SH3GL2: variants seen among roughly 807,000 people sequenced by gnomAD.
The protein encoded by SH3GL2 is SH3 domain containing GRB2 like 2, endophilin A1, also known as endophilin-A1.
Under a neutral mutation model 46.0 loss-of-function variants are expected in SH3GL2, and 24 were observed. The observed-to-expected ratio is 0.52, with a 90% CI of 0.38 to 0.73. SH3GL2 has a LOEUF of 0.73. Ranked by LOEUF, SH3GL2 falls within the 30% of genes least tolerant of loss-of-function variation. The probability of loss-of-function intolerance (pLI) is 0.00; values close to 1 mark genes in which losing one functional copy is unlikely to be tolerated. For synonymous variants in SH3GL2, 196 were observed against 147.1 expected, an observed-to-expected ratio of 1.33 and a Z score of -2.40; for missense variants, 413 against 424.2, an observed-to-expected ratio of 0.97 and a Z score of 0.23.
rs533549066 is a variant in SH3GL2, at chr9:17,716,622, C to G, written c.46-30444C>G. Among the ~76,000 whole-genome samples, 10 of 152,260 alleles carry G rather than the reference C, an allele frequency of 6.6e-5. No homozygotes were observed. In the South Asian group the frequency reaches 2.1e-3, roughly 32 times the overall value. On this transcript the variant is annotated intron_variant, in intron 1 of 8. Transcript: ENST00000380607. ...CAGTCTTGGTTAGTTTCCTCACATG[C>G]ATGTGTTGATCAGAACTCTACTGAA...
At chr9:17,688,139 T>G (rs1341136921) in intron 1 of SH3GL2, among the ~76,000 whole-genome samples, 2 of 152,122 alleles carry the variant, frequency 1.3e-5, no homozygotes, top group Non-Finnish European at 2.9e-5. Context: ...TTGAATTTGT[T>G]ATGCTACTTA....
intron 1 of SH3GL2, among the ~76,000 whole-genome samples, chr9:17,608,505 A>C (rs1233748529): frequency 6.6e-6 from 1 of 152,202 alleles, no homozygotes; most frequent in Non-Finnish European, 1.5e-5. Flanking sequence ...TTCCTCATCC[A>C]CATAGGTTGG....
At chr9:17,614,777 A>G (rs1407770667) in intron 1 of SH3GL2, among the ~76,000 whole-genome samples, 1 of 152,224 alleles carries the variant, frequency 6.6e-6, no homozygotes, top group African/African-American at 2.4e-5. Flanking sequence ...GTCCTTTTCT[A>G]CCAAGTGAAG....
At chr9:17,692,432 G>T (rs1821104949) in intron 1 of SH3GL2, among the ~76,000 whole-genome samples, 1 of 152,004 alleles carries the variant, frequency 6.6e-6, no homozygotes, top group Non-Finnish European at 1.5e-5. Flanking sequence ...GATCATTTGA[G>T]GTCAAGAGTT....
chr9:17,793,365 A>G lies in SH3GL2; in HGVS notation c.729-2A>G. 1 of 1,607,484 alleles carries G rather than the reference A, an allele frequency of 6.2e-7. No individual in the cohort carries two copies. The highest frequency in any genetic ancestry group is 8.5e-7 in the Non-Finnish European group (1 of 1,177,512). The stretch of plus-strand genomic sequence containing the variant: ...TTTCCACCACTTTTCTTTTTACTGC[A>G]GAATAAGACAGGCTTCATCTCAGCC... On this transcript the variant is annotated splice_acceptor_variant, in intron 7 of 8. Transcript: ENST00000380607. LOFTEE classifies it high-confidence loss of function.
intron 1 of SH3GL2, among the ~76,000 whole-genome samples, chr9:17,608,147 C>CT (rs58474566): frequency 0.06 from 7,247 of 120,172 alleles, 588 homozygotes; most frequent in African/African-American, 0.15. Flanking sequence ...AAGCTTTCCT[C>CT]TTTTTTTTTT....
intron 3 of SH3GL2, among the ~76,000 whole-genome samples, chr9:17,772,251 A>T (rs1312114256): frequency 6.6e-6 from 1 of 152,226 alleles, no homozygotes; most frequent in Non-Finnish European, 1.5e-5. Flanking sequence ...TTGAGGATTT[A>T]TACTCATCTT....
chr9:17,728,499 T>C (rs1388073641), intron 1 of SH3GL2, among the ~76,000 whole-genome samples: 2 of 152,196 alleles, frequency 1.3e-5, no homozygotes, highest in Non-Finnish European at 2.9e-5. Context: ...TATTATACTT[T>C]AAGTTCTGGG....
At chr9:17,783,673 A>C (rs1188436141) in intron 3 of SH3GL2, among the ~76,000 whole-genome samples, 1 of 152,158 alleles carries the variant, frequency 6.6e-6, no homozygotes, top group Non-Finnish European at 1.5e-5. Context: ...AGCAGAGGAC[A>C]AAACAGTGGA....
intron 1 of SH3GL2, among the ~76,000 whole-genome samples, chr9:17,697,934 G>A (rs4961584): frequency 0.16 from 24,114 of 152,190 alleles, 2,615 homozygotes; most frequent in African/African-American, 0.3. Flanking sequence ...ATCTCTGGGA[G>A]CTAGAAAATG....
intron 2 of SH3GL2, among the ~76,000 whole-genome samples, chr9:17,759,320 A>G (rs1163621386): frequency 6.6e-6 from 1 of 152,148 alleles, no homozygotes; most frequent in Non-Finnish European, 1.5e-5. Flanking sequence ...AAAACAGAAT[A>G]TGGGATGGCA....
At chr9:17,727,188 T>A (rs1822043973) in intron 1 of SH3GL2, among the ~76,000 whole-genome samples, 1 of 152,190 alleles carries the variant, frequency 6.6e-6, no homozygotes, top group East Asian at 1.9e-4. Context: ...GGGTAACAAG[T>A]TACAGAAGGT....
intron 1 of SH3GL2, among the ~76,000 whole-genome samples, chr9:17,722,044 A>C: frequency 6.6e-6 from 1 of 152,038 alleles, no homozygotes; most frequent in East Asian, 1.9e-4. Flanking sequence ...CACTCTCTCT[A>C]CGTTGCTATA....
At chr9:17,697,855 C>T (rs73645143) in intron 1 of SH3GL2, among the ~76,000 whole-genome samples, 11,888 of 152,180 alleles carry the variant, frequency 0.078, 1,521 homozygotes, top group African/African-American at 0.27. Context: ...CTAAATTCTT[C>T]TTGTCTTCTC....
intron 1 of SH3GL2, among the ~76,000 whole-genome samples, chr9:17,736,003 C>T (rs1481524735): frequency 6.6e-6 from 1 of 152,054 alleles, no homozygotes; most frequent in African/African-American, 2.4e-5. Flanking sequence ...TTTGATTCAG[C>T]ATAAGCCTGC....
In SH3GL2 at chr9:17,612,530, T is replaced by G. The variant is rs1034984627; in HGVS notation, c.45+33243T>G. Reference sequence around the variant, plus strand: ...CTATTGAAATACAGAGGACCAGAAATTGTATAATTGAGAATAAGGTGAGGA... The same window carrying G: ...CTATTGAAATACAGAGGACCAGAAAGTGTATAATTGAGAATAAGGTGAGGA... On this transcript the variant is annotated intron_variant, in intron 1 of 8. Transcript: ENST00000380607. Among the ~76,000 whole-genome samples the G allele has an allele frequency of 5.3e-5, 8 of 152,082 alleles. 1 individual carries two copies. The highest frequency in any genetic ancestry group is 5.2e-4 in the Admixed American group (8 of 15,270).
chr9:17,777,660 C>T (rs1361738575), intron 3 of SH3GL2, among the ~76,000 whole-genome samples: 1 of 152,040 alleles, frequency 6.6e-6, no homozygotes, highest in Non-Finnish European at 1.5e-5. Context: ...TCACTATGTC[C>T]TCATGTAACC....
At chr9:17,759,655 A>G (rs1823111522) in intron 2 of SH3GL2, among the ~76,000 whole-genome samples, 1 of 152,130 alleles carries the variant, frequency 6.6e-6, no homozygotes, top group African/African-American at 2.4e-5. Context: ...AAGACAGCTT[A>G]TGGTGATGAT....
chr9:17,766,576 C>A (rs903605855), intron 3 of SH3GL2, among the ~76,000 whole-genome samples: 1 of 152,092 alleles, frequency 6.6e-6, no homozygotes, highest in African/African-American at 2.4e-5. Flanking sequence ...CCACATTATA[C>A]AAGTAAAGAG....
Sources: gnomAD v4.1 joint callset for allele counts (sites outside exome capture counted in the v4.1 genomes callset) on GRCh38, gnomAD v4.1.1 for gene constraint, MANE v1.5 for transcripts, NCBI Gene and HGNC (gene_info 2026-07-23, HGNC 2026-07-21) for gene names.